The following WDR25 variants were observed in gnomAD, a reference collection of about 807,000 sequenced individuals.
The protein encoded by WDR25 is WD repeat-containing protein 25.
Under a neutral mutation model 47.7 loss-of-function variants are expected in WDR25, and 35 were observed. That is an observed-to-expected ratio of 0.73 (90% confidence interval 0.56 to 0.97). The LOEUF (loss-of-function observed/expected upper bound fraction) is 0.97. Among genes scored for constraint, WDR25 ranks in the 50% least tolerant of loss-of-function variants. The pLI, the probability that WDR25 is intolerant of heterozygous loss-of-function variation, is 0.00. For missense variants in WDR25, 634 were observed against 704.7 expected (o/e 0.90, Z 1.14); for synonymous variants, 248 against 278.9 (o/e 0.89, Z 1.10).
At chr14:100,385,761 T>C (rs528938241) in intron 2 of WDR25, among the ~76,000 whole-genome samples, 2 of 152,340 alleles carry the variant, frequency 1.3e-5, no homozygotes, top group East Asian at 3.9e-4. Context: ...TACCCTTTTA[T>C]ATACTCTTTT....
At chr14:100,473,559 A>T (rs1054225059) in intron 3 of WDR25, among the ~76,000 whole-genome samples, 2 of 152,232 alleles carry the variant, frequency 1.3e-5, no homozygotes, top group Non-Finnish European at 2.9e-5. Context: ...CTCCAGACTC[A>T]TGGGGACTGA....
At chr14:100,434,791 A>T (rs569344907) in intron 2 of WDR25, among the ~76,000 whole-genome samples, 1 of 152,186 alleles carries the variant, frequency 6.6e-6, no homozygotes, top group African/African-American at 2.4e-5. Flanking sequence ...CAGTCTCATT[A>T]GTCTGTGTTT....
intron 4 of WDR25, among the ~76,000 whole-genome samples, chr14:100,493,060 G>A (rs1004002998): frequency 2.6e-5 from 4 of 152,128 alleles, no homozygotes; most frequent in African/African-American, 7.2e-5. Context: ...ATTCTCCTGC[G>A]TCAGCCCAAA....
intron 2 of WDR25, among the ~76,000 whole-genome samples, chr14:100,433,223 T>G (rs1329666893): frequency 6.6e-6 from 1 of 152,262 alleles, no homozygotes; most frequent in African/African-American, 2.4e-5. Context: ...CTCCGTTAGT[T>G]TGAAACAGTT....
chr14:100,426,340 C>G (rs1021586326), intron 2 of WDR25, among the ~76,000 whole-genome samples: 1 of 152,230 alleles, frequency 6.6e-6, no homozygotes, highest in African/African-American at 2.4e-5. Flanking sequence ...GAGTTATTGG[C>G]TACTTTTCCC....
chr14:100,477,286 T>C (rs1315240241), intron 3 of WDR25, among the ~76,000 whole-genome samples: 1 of 152,188 alleles, frequency 6.6e-6, no homozygotes, highest in East Asian at 1.9e-4. Flanking sequence ...GCTTTAACAA[T>C]TTTTTTATTT....
rs1901118405 is a variant in WDR25, at chr14:100,506,546, CT to C, written c.1102-19318del. Among the ~76,000 whole-genome samples the C allele has an allele frequency of 6.6e-6, 1 of 152,160 alleles. No homozygotes were observed. The highest frequency in any genetic ancestry group is 2.4e-5 in the African/African-American group (1 of 41,456). ...TTCCCACCAACAGAGTATAAGTGTT[CT>C]TTTTTCTCTGCAGCCTTGCTAGCAC... On this transcript the variant is annotated intron_variant, in intron 4 of 6. Transcript: ENST00000402312. This position sits in a 1 kb window ranked among gnomAD's most constrained non-coding sequence, Gnocchi z 4.8.
At chr14:100,390,318 T>A (rs902137999) in intron 2 of WDR25, among the ~76,000 whole-genome samples, 1 of 152,136 alleles carries the variant, frequency 6.6e-6, no homozygotes, top group African/African-American at 2.4e-5. Flanking sequence ...GGTGTCTGTG[T>A]TCCATGTTAG....
chr14:100,498,367 T>C lies in WDR25; in HGVS notation c.1101+14243T>C, dbSNP rs771043316. ...AGAAGGGAGATGAGGAGTGGATAGC[T>C]CTCTTTCCCCTCTGCATGCCCCTTT... On this transcript the variant is annotated intron_variant, in intron 4 of 6. Transcript: ENST00000402312. The surrounding 1 kb of genome is among the most constrained non-coding windows in gnomAD (Gnocchi z 4.2). Among the ~76,000 whole-genome samples, 4 of 152,154 alleles carry C rather than the reference T, an allele frequency of 2.6e-5. No individual in the cohort carries two copies. The highest frequency in any genetic ancestry group is 4.4e-5 in the Non-Finnish European group (3 of 68,042).
chr14:100,469,282 T>C (rs1899748556), intron 3 of WDR25, among the ~76,000 whole-genome samples: 1 of 152,202 alleles, frequency 6.6e-6, no homozygotes, highest in African/African-American at 2.4e-5. Context: ...AGGTGGTTTG[T>C]TTCCACCTTG....
At position 100,525,101 on chromosome 14, in the gene WDR25, C is replaced by T. The variant is rs999559011; in HGVS notation, c.1102-769C>T. On this transcript the variant is annotated intron_variant, in intron 4 of 6. Coordinates refer to ENST00000402312, the MANE Select transcript of WDR25 (RefSeq NM_001161476.3). The surrounding 1 kb of genome is among the most constrained non-coding windows in gnomAD (Gnocchi z 4.6). ...AGACCTTGCTGCGCTTCCATGGCTG[C>T]GCGTGGGTGCCCAGCATGTTATTTC... Among the ~76,000 whole-genome samples, 1 of 152,140 alleles carries T rather than the reference C, an allele frequency of 6.6e-6. No individual in the cohort carries two copies. Among genetic ancestry groups the T allele is most frequent in the African/African-American group, 2.4e-5 (1 of 41,428 alleles).
chr14:100,432,908 C>T (rs988732271), intron 2 of WDR25, among the ~76,000 whole-genome samples: 30 of 152,204 alleles, frequency 2.0e-4, no homozygotes, highest in African/African-American at 7.0e-4. Context: ...CCCATTGCTC[C>T]TAGGCTACAC....
rs760013844 is a variant in WDR25, at chr14:100,381,452, T to C, written c.528T>C (p.Tyr176=). 18 of 1,614,144 alleles carry C rather than the reference T, an allele frequency of 1.1e-5. No individual in the cohort carries two copies. The Admixed American group carries it at 2.8e-4, about 25-fold the overall frequency. Residue 176 remains tyrosine (Y), a synonymous_variant, in exon 2 of 7, where the codon TAT becomes TAC. Transcript: ENST00000402312. ...KKKCEDCVVP[Y]TPRRLRQRQA... is the part of the protein sequence containing the mutation. ...AATGTGAGGACTGTGTGGTACCCTA[T>C]ACTCCCAGAAGACTAAGACAGCGGC...
intron 2 of WDR25, among the ~76,000 whole-genome samples, chr14:100,391,138 G>A (rs1250190172): frequency 1.3e-5 from 2 of 152,144 alleles, no homozygotes; most frequent in African/African-American, 4.8e-5. Flanking sequence ...GAGAAAACCT[G>A]ACATTTTTCG....
rs1341648389 is a variant in WDR25, at chr14:100,430,038, A to T, written c.823-37983A>T. Among the ~76,000 whole-genome samples, 1 of 152,092 alleles carries T rather than the reference A, an allele frequency of 6.6e-6. No individual in the cohort carries two copies. The highest frequency in any genetic ancestry group is 1.5e-5 in the Non-Finnish European group (1 of 68,022). ...TGACACCCCTAGTATGCTGCCTGAC[A>T]CATGGCAAGTGCTCAATGAATGTTT... On this transcript the variant is annotated intron_variant, in intron 2 of 6. Transcript: ENST00000402312. The surrounding 1 kb of genome is among the most constrained non-coding windows in gnomAD (Gnocchi z 4.7).
At chr14:100,481,103 C>CAAAAAAAAAAAAAAAA (rs71113268) in intron 3 of WDR25, 12 of 248,192 alleles carry the variant, frequency 4.8e-5, no homozygotes, top group South Asian at 1.1e-4. Flanking sequence ...CAAAAAAGTG[C>CAAAAAAAAAAAAAAAA]AAAAAAAAAA....
At chr14:100,483,864 C>T (rs190681081) in intron 3 of WDR25, 130 bp from the exon 4 acceptor site, 1 of 1,121,778 alleles carries the variant, frequency 8.9e-7, no homozygotes, top group African/African-American at 1.6e-5. Flanking sequence ...AAAAAGTGTC[C>T]ATTGGGCTAC....
At chr14:100,386,016 C>T (rs971593770) in intron 2 of WDR25, among the ~76,000 whole-genome samples, 9 of 152,056 alleles carry the variant, frequency 5.9e-5, no homozygotes, top group African/African-American at 2.2e-4. Context: ...CCTTCTGTAC[C>T]TGTATGAAAA....
intron 2 of WDR25, among the ~76,000 whole-genome samples, chr14:100,435,245 T>A (rs891580053): frequency 6.6e-6 from 1 of 152,162 alleles, no homozygotes; most frequent in Non-Finnish European, 1.5e-5. Context: ...GTGTACTTGC[T>A]CCTCCTGCTG....
Sources: allele counts gnomAD v4.1 joint callset (sites outside exome capture counted in the v4.1 genomes callset), GRCh38; gene constraint gnomAD v4.1.1; non-coding constraint Gnocchi (gnomAD v3.1); transcripts MANE v1.5; gene names NCBI Gene and HGNC (gene_info 2026-07-23, HGNC 2026-07-21).